Variants in ASB3 observed in about 807,000 individuals in gnomAD.
ASB3 encodes the protein ankyrin repeat and SOCS box containing 3.
In ASB3, 41 loss-of-function variants were observed where a neutral mutation model predicts 54.5. The observed-to-expected ratio is 0.75, with a 90% CI of 0.59 to 0.98. ASB3 has a LOEUF of 0.98. Ranked by LOEUF, ASB3 falls within the 50% of genes least tolerant of loss-of-function variation. The probability of loss-of-function intolerance (pLI) is 0.00; values close to 1 mark genes in which losing one functional copy is unlikely to be tolerated. For missense variants in ASB3, 733 were observed against 620.0 expected, an observed-to-expected ratio of 1.18 and a Z score of -1.94; for synonymous variants, 266 against 221.2, an observed-to-expected ratio of 1.20 and a Z score of -1.80.
intron 7 of ASB3, among the ~76,000 whole-genome samples, chr2:53,705,970 A>G (rs1467010115): frequency 1.3e-5 from 2 of 152,234 alleles, no homozygotes; most frequent in Non-Finnish European, 2.9e-5. Context: ...ATCTGTACAT[A>G]TATTGACATT....
intron 7 of ASB3, among the ~76,000 whole-genome samples, chr2:53,703,691 G>A (rs1409044077): frequency 6.6e-6 from 1 of 152,120 alleles, no homozygotes; most frequent in Admixed American, 6.5e-5. Context: ...GTAGATAAAA[G>A]TTTATTAGAA....
At chr2:53,733,883 G>A (rs142288933) in intron 3 of ASB3, among the ~76,000 whole-genome samples, 64 of 152,330 alleles carry the variant, frequency 4.2e-4, no homozygotes, top group African/African-American at 1.5e-3. Context: ...TCAAGCCAGT[G>A]ATAAGCATTG....
chr2:53,760,808 C>T (rs539800866), intron 2 of ASB3, among the ~76,000 whole-genome samples: 2 of 152,192 alleles, frequency 1.3e-5, no homozygotes, highest in African/African-American at 2.4e-5. Flanking sequence ...ACATTTCAAT[C>T]CCTGTATCTT....
intron 2 of ASB3, among the ~76,000 whole-genome samples, chr2:53,751,296 C>A (rs1264825373): frequency 6.6e-6 from 1 of 152,116 alleles, no homozygotes; most frequent in African/African-American, 2.4e-5. Flanking sequence ...TCGAAATATT[C>A]ATCAATTTTA....
At chr2:53,690,961 C>T (rs1411227059) in intron 9 of ASB3, among the ~76,000 whole-genome samples, 2 of 152,104 alleles carry the variant, frequency 1.3e-5, no homozygotes, top group African/African-American at 4.8e-5. Flanking sequence ...GTGCTTTTAT[C>T]TATAAGAATT....
At chr2:53,745,507 C>T (rs1672174223) in intron 3 of ASB3, among the ~76,000 whole-genome samples, 1 of 152,134 alleles carries the variant, frequency 6.6e-6, no homozygotes, top group Non-Finnish European at 1.5e-5. Flanking sequence ...CCATTACAAA[C>T]AGTGGAGCAG....
At chr2:53,681,931 G>C (rs1371365068) in intron 9 of ASB3, among the ~76,000 whole-genome samples, 1 of 152,006 alleles carries the variant, frequency 6.6e-6, no homozygotes, top group Admixed American at 6.6e-5. Flanking sequence ...AGGGTGAGGT[G>C]GGTGGATCAC....
intron 6 of ASB3, among the ~76,000 whole-genome samples, chr2:53,715,672 T>C (rs74781808): frequency 0.11 from 16,301 of 152,176 alleles, 1,067 homozygotes; most frequent in Non-Finnish European, 0.15. Context: ...CTTTAATAAA[T>C]GTGTTTAATT....
intron 2 of ASB3, among the ~76,000 whole-genome samples, chr2:53,758,897 T>C (rs993683036): frequency 2.0e-5 from 3 of 152,198 alleles, no homozygotes; most frequent in African/African-American, 4.8e-5. Context: ...CCAGAGTGTA[T>C]GTACCTTTTT....
chr2:53,674,398 C>G (rs1422206184), intron 9 of ASB3, among the ~76,000 whole-genome samples: 2 of 152,072 alleles, frequency 1.3e-5, no homozygotes, highest in Non-Finnish European at 2.9e-5. Context: ...CTATTTTGTT[C>G]ATTTTGTTAT....
In ASB3 at chr2:53,765,428, C is replaced by T; in HGVS notation, c.145G>A (p.Glu49Lys). Residue 49 changes from glutamate to lysine, a missense_variant, in exon 2 of 10, where the codon GAA becomes AAA. Physicochemically the swap from Glu to Lys is moderately conservative, Grantham distance 56. Transcript: ENST00000263634. The part of the protein sequence containing the change: ...ADNRGWMPIH[E>K]AAYHNSVECL... ...TCTACAGAGTTGTGATAAGCTGCTT[C>T]ATGAATTGGCATCCATCCCCTGTTA... 6.2e-7 allele frequency: 1 copy of T among 1,614,228 alleles called. No homozygotes were observed. Among genetic ancestry groups the T allele is most frequent in the Non-Finnish European group, 8.5e-7 (1 of 1,180,028 alleles).
chr2:53,747,208 T>C (rs764322315), intron 3 of ASB3, among the ~76,000 whole-genome samples: 15 of 152,192 alleles, frequency 9.9e-5, no homozygotes, highest in Non-Finnish European at 1.8e-4. Flanking sequence ...AATAGTCCCA[T>C]GGAATATCAA....
intron 2 of ASB3, among the ~76,000 whole-genome samples, chr2:53,765,063 G>C (rs1422699433): frequency 6.6e-6 from 1 of 152,164 alleles, no homozygotes; most frequent in Non-Finnish European, 1.5e-5. Context: ...GGTAAAGGAA[G>C]AAAGAATAAA....
intron 9 of ASB3, among the ~76,000 whole-genome samples, chr2:53,678,411 T>C (rs1480887924): frequency 6.6e-6 from 1 of 152,166 alleles, no homozygotes; most frequent in African/African-American, 2.4e-5. Context: ...ATTATGTTGG[T>C]TCACTTGTGC....
At chr2:53,710,940 A>C (rs1308297548) in intron 7 of ASB3, among the ~76,000 whole-genome samples, 1 of 151,246 alleles carries the variant, frequency 6.6e-6, no homozygotes, top group African/African-American at 2.4e-5. Context: ...AGCCTAGGCA[A>C]CACGGCAAAC....
chr2:53,758,141 C>A (rs891181687), intron 2 of ASB3, among the ~76,000 whole-genome samples: 1 of 152,236 alleles, frequency 6.6e-6, no homozygotes, highest in Non-Finnish European at 1.5e-5. Context: ...AAGGTCTTCT[C>A]TGTGACCCTA....
At chr2:53,728,305 C>A (rs748089542) in intron 5 of ASB3, among the ~76,000 whole-genome samples, 15 of 152,098 alleles carry the variant, frequency 9.9e-5, no homozygotes, top group Non-Finnish European at 2.2e-4. Context: ...TTGAAATAAA[C>A]CTATTTACAT....
At chr2:53,680,156 T>C (rs1278166103) in intron 9 of ASB3, among the ~76,000 whole-genome samples, 3 of 152,336 alleles carry the variant, frequency 2.0e-5, no homozygotes, top group African/African-American at 7.2e-5. Flanking sequence ...GATGGGCATT[T>C]AGGTTGATTC....
chr2:53,712,216 CAA>C (rs764847561), intron 7 of ASB3, among the ~76,000 whole-genome samples: 5 of 133,500 alleles, frequency 3.7e-5, no homozygotes, highest in African/African-American at 8.0e-5. Context: ...TAAAAAAATA[CAA>C]AAAAAAAAAA....
Sources: allele counts gnomAD v4.1 joint callset (sites outside exome capture counted in the v4.1 genomes callset), GRCh38; gene constraint gnomAD v4.1.1; transcripts MANE v1.5; gene names NCBI Gene and HGNC (gene_info 2026-07-23, HGNC 2026-07-21).